The following IGSF11 variants were observed in gnomAD, a reference collection of about 807,000 sequenced individuals.
IGSF11 encodes the protein CXADR like 1.
Under a neutral mutation model 41.0 loss-of-function variants are expected in IGSF11, and 22 were observed. The observed-to-expected ratio is 0.54, with a 90% CI of 0.38 to 0.77. The LOEUF (loss-of-function observed/expected upper bound fraction) is 0.77. IGSF11 is among the 30% of genes least tolerant of loss of function. The pLI is 0.00. For missense variants in IGSF11, 444 were observed against 530.8 expected, an observed-to-expected ratio of 0.84 and a Z score of 1.61; for synonymous variants, 219 against 201.3, an observed-to-expected ratio of 1.09 and a Z score of -0.74.
Position 119,034,675 on chromosome 3 carries a change from C to G in IGSF11, c.-93G>C, listed in dbSNP as rs1004279097. The G allele has an allele frequency of 2.1e-6, 3 of 1,436,490 alleles. No homozygotes were observed. Among genetic ancestry groups the G allele is most frequent in the Non-Finnish European group, 2.8e-6 (3 of 1,085,862 alleles). 89.0% of individuals were successfully genotyped at this position (1,436,490 alleles called of 1,614,324 possible). A position where few individuals can be genotyped will look rare whatever the true frequency, so the allele number is the denominator to read the frequency against. ...TGAGTCTCCGCGCTCTTGGGGCAGC[C>G]TGGTCCTCCCACACCCAGCGCCGGG... is the stretch of plus-strand genomic sequence containing the variant. On this transcript the variant is annotated 5_prime_UTR_variant, in exon 1 of 7. Transcript: ENST00000393775.
intron 1 of IGSF11, among the ~76,000 whole-genome samples, chr3:119,055,318 C>G (rs1372765008): frequency 6.6e-6 from 1 of 152,086 alleles, no homozygotes; most frequent in African/African-American, 2.4e-5. Flanking sequence ...TGGAACAAAG[C>G]TGGATGGAGA....
intron 1 of IGSF11, among the ~76,000 whole-genome samples, chr3:118,959,780 A>G (rs895372791): frequency 6.6e-6 from 1 of 152,256 alleles, no homozygotes; most frequent in South Asian, 2.1e-4. Flanking sequence ...CGGGCGCAGT[A>G]GCTCACACCT....
intron 1 of IGSF11, among the ~76,000 whole-genome samples, chr3:118,984,786 AG>A (rs1035714304): frequency 2.0e-5 from 3 of 152,310 alleles, no homozygotes; most frequent in Admixed American, 2.0e-4. Context: ...CTCCACGCTG[AG>A]ACAAGAGGAG....
At chr3:118,939,733 T>C (rs892544452) in intron 1 of IGSF11, among the ~76,000 whole-genome samples, 1 of 152,216 alleles carries the variant, frequency 6.6e-6, no homozygotes, top group African/African-American at 2.4e-5. Flanking sequence ...AACAGCAGCA[T>C]CTAAATGTGC....
chr3:118,920,766 T>G (rs1215582863), intron 4 of IGSF11, among the ~76,000 whole-genome samples: 1 of 152,198 alleles, frequency 6.6e-6, no homozygotes, highest in East Asian at 1.9e-4. Context: ...CACATATTTC[T>G]CATAATAACA....
intron 1 of IGSF11, among the ~76,000 whole-genome samples, chr3:119,015,527 TC>T (rs1268856773): frequency 6.6e-6 from 1 of 152,180 alleles, no homozygotes; most frequent in Non-Finnish European, 1.5e-5. Context: ...TTTTTCTGTA[TC>T]ATGCTATTCT....
chr3:119,024,655 T>A (rs1939643361), intron 1 of IGSF11, among the ~76,000 whole-genome samples: 2 of 152,178 alleles, frequency 1.3e-5, no homozygotes, highest in African/African-American at 4.8e-5. Flanking sequence ...TATCACTATA[T>A]CCCTGCCTAA....
intron 1 of IGSF11, among the ~76,000 whole-genome samples, chr3:119,133,479 A>G (rs1463531648): frequency 6.6e-6 from 1 of 152,206 alleles, no homozygotes; most frequent in East Asian, 1.9e-4. Flanking sequence ...GAAGAAATGG[A>G]TAAATTCCTG....
At chr3:119,057,101 T>C (rs1409670865) in intron 1 of IGSF11, among the ~76,000 whole-genome samples, 1 of 152,130 alleles carries the variant, frequency 6.6e-6, no homozygotes, top group African/African-American at 2.4e-5. Context: ...CTATTCAACA[T>C]AGTGTTGGAA....
At chr3:118,924,358 C>A (rs1197392882) in intron 4 of IGSF11, among the ~76,000 whole-genome samples, 2 of 151,670 alleles carry the variant, frequency 1.3e-5, no homozygotes, top group Non-Finnish European at 2.9e-5. Context: ...TAATTTTAAA[C>A]ATAATTAGTA....
intron 4 of IGSF11, among the ~76,000 whole-genome samples, chr3:118,912,880 T>C (rs1193937835): frequency 6.6e-6 from 1 of 152,098 alleles, no homozygotes; most frequent in Non-Finnish European, 1.5e-5. Flanking sequence ...ACATCTGTAA[T>C]CCCAGCTACT....
At chr3:118,955,492 AG>A (rs1191536111) in intron 1 of IGSF11, among the ~76,000 whole-genome samples, 1 of 152,094 alleles carries the variant, frequency 6.6e-6, no homozygotes, top group Admixed American at 6.6e-5. Context: ...TTTTTCTATA[AG>A]GTGAGAGATG....
intron 1 of IGSF11, among the ~76,000 whole-genome samples, chr3:119,058,886 A>T (rs1300436339): frequency 6.6e-6 from 1 of 152,068 alleles, no homozygotes; most frequent in Non-Finnish European, 1.5e-5. Context: ...AAAAAACCAA[A>T]CACCACATGT....
At chr3:118,981,482 A>G (rs1274659922) in intron 1 of IGSF11, among the ~76,000 whole-genome samples, 1 of 152,116 alleles carries the variant, frequency 6.6e-6, no homozygotes, top group African/African-American at 2.4e-5. Context: ...CATTTTAAAC[A>G]TAAGTTGAAT....
At chr3:118,923,906 A>G (rs1046392525) in intron 4 of IGSF11, among the ~76,000 whole-genome samples, 1 of 152,164 alleles carries the variant, frequency 6.6e-6, no homozygotes, top group Non-Finnish European at 1.5e-5. Flanking sequence ...TCACTTGGTT[A>G]AAGTGGTATC....
intron 1 of IGSF11, among the ~76,000 whole-genome samples, chr3:119,123,317 G>A (rs922837409): frequency 6.6e-6 from 1 of 152,200 alleles, no homozygotes; most frequent in Admixed American, 6.5e-5. Flanking sequence ...TTGAGTGCCA[G>A]CTCAACAGCA....
intron 1 of IGSF11, among the ~76,000 whole-genome samples, chr3:119,006,438 T>A (rs1489029507): frequency 1.7e-5 from 2 of 117,930 alleles, no homozygotes; most frequent in Admixed American, 8.6e-5. Flanking sequence ...AGTAATTTGA[T>A]CGTCTGAAGC....
chr3:118,931,100 G>C (rs1175898645), intron 1 of IGSF11, among the ~76,000 whole-genome samples: 1 of 152,084 alleles, frequency 6.6e-6, no homozygotes, highest in Non-Finnish European at 1.5e-5. Flanking sequence ...TCTCAATAAA[G>C]GTACAAGACA....
chr3:119,054,777 G>A (rs1239860386), intron 1 of IGSF11, among the ~76,000 whole-genome samples: 1 of 152,166 alleles, frequency 6.6e-6, no homozygotes, highest in South Asian at 2.1e-4. Flanking sequence ...TATGGAACCA[G>A]CCTAAATGCC....
Sources: allele counts gnomAD v4.1 joint callset (sites outside exome capture counted in the v4.1 genomes callset), GRCh38; gene constraint gnomAD v4.1.1; transcripts MANE v1.5; gene names NCBI Gene and HGNC (gene_info 2026-07-23, HGNC 2026-07-21).